Variants in UGT1A10 observed in about 807,000 individuals in gnomAD.
UGT1A10 encodes UDP glucuronosyltransferase family 1 member A10.
Under a neutral mutation model 45.8 loss-of-function variants are expected in UGT1A10, and 49 were observed. That is an observed-to-expected ratio of 1.07 (90% CI 0.85 to 1.36). UGT1A10 has a LOEUF of 1.36. Ranked by LOEUF, UGT1A10 falls within the 40% of genes most tolerant of loss-of-function variation. The pLI is 0.00. For missense variants in UGT1A10, 745 were observed against 668.6 expected (o/e 1.11, Z -1.26); for synonymous variants, 284 against 249.7 (o/e 1.14, Z -1.29).
intron 1 of UGT1A10, among the ~76,000 whole-genome samples, chr2:233,734,879 CAGTT>C (rs1435181219): frequency 6.6e-6 from 1 of 152,150 alleles, no homozygotes; most frequent in Non-Finnish European, 1.5e-5. Flanking sequence ...GTCTGAGAGA[CAGTT>C]TGTTGTGATT....
intron 1 of UGT1A10, among the ~76,000 whole-genome samples, chr2:233,662,696 G>A (rs2074000360): frequency 6.6e-6 from 1 of 152,112 alleles, no homozygotes; most frequent in African/African-American, 2.4e-5. Context: ...CTTGGCATGT[G>A]TCTGATCTGA....
intron 1 of UGT1A10, among the ~76,000 whole-genome samples, chr2:233,663,279 G>A (rs756227773): frequency 2.6e-5 from 4 of 152,194 alleles, no homozygotes; most frequent in Non-Finnish European, 4.4e-5. Flanking sequence ...GTAGACCGGA[G>A]TTTTATTATT....
chr2:233,760,155 C>T (rs2125979369), intron 1 of UGT1A10: 1 of 1,487,916 alleles, frequency 6.7e-7, no homozygotes, highest in Admixed American at 2.1e-5. Flanking sequence ...GAACTCCCTG[C>T]TACCTTTGTG....
Position 233,670,827 on chromosome 2 carries a change from C to T in UGT1A10, c.855+33450C>T, listed in dbSNP as rs560879388. ...AAAAATCAAAAGAACTTTGAAAGAC[C>T]GTCTCTTACTGGCAAGATATTACCT... On this transcript the variant is annotated intron_variant, in intron 1 of 4. Transcript: ENST00000344644. Among the ~76,000 whole-genome samples the T allele has an allele frequency of 9.9e-4, 150 of 152,210 alleles. 1 individual carries two copies. Among genetic ancestry groups the T allele is most frequent in the African/African-American group, 3.3e-3 (136 of 41,518 alleles).
Position 233,682,426 on chromosome 2 carries a change from C to T in UGT1A10, c.855+45049C>T, listed in dbSNP as rs540052265. The T allele has an allele frequency of 7.4e-6, 12 of 1,613,888 alleles. No individual in the cohort carries two copies. The East Asian group carries it at 2.2e-4, about 30-fold the overall frequency. On this transcript the variant is annotated intron_variant, in intron 1 of 4. Transcript: ENST00000344644. ...TAATTGTTGCCAAATATTTCTCCCT[C>T]CCCTCTGTGGTCTTCGCCAGGGGAA...
chr2:233,727,030 G>T (rs2077579042), intron 1 of UGT1A10, among the ~76,000 whole-genome samples: 1 of 152,072 alleles, frequency 6.6e-6, no homozygotes, highest in South Asian at 2.1e-4. Flanking sequence ...TGTACCCTAA[G>T]GAATCTTTAC....
intron 1 of UGT1A10, among the ~76,000 whole-genome samples, chr2:233,686,415 A>G (rs536972328): frequency 1.3e-5 from 2 of 152,306 alleles, no homozygotes; most frequent in South Asian, 2.1e-4. Context: ...AGGTGTGCAG[A>G]TAAACACACG....
At chr2:233,693,870 G>A in intron 1 of UGT1A10, 1 of 1,614,164 alleles carries the variant, frequency 6.2e-7, no homozygotes, top group Non-Finnish European at 8.5e-7. Flanking sequence ...TCTCAGGTTG[G>A]TGGGTTTATT....
At chr2:233,682,337 G>C (rs753738317) in intron 1 of UGT1A10, 1 of 1,614,108 alleles carries the variant, frequency 6.2e-7, no homozygotes, top group African/African-American at 1.3e-5. Flanking sequence ...CCGAAAATTA[G>C]TAGAATACTT....
At chr2:233,732,813 A>G (rs1272687468) in intron 1 of UGT1A10, among the ~76,000 whole-genome samples, 1 of 131,564 alleles carries the variant, frequency 7.6e-6, no homozygotes, top group Non-Finnish European at 1.6e-5. Flanking sequence ...TTTTGATTCC[A>G]TATGAACTTT....
intron 1 of UGT1A10, among the ~76,000 whole-genome samples, chr2:233,699,481 C>T (rs2075508169): frequency 6.6e-6 from 1 of 152,178 alleles, no homozygotes; most frequent in Non-Finnish European, 1.5e-5. Flanking sequence ...AAATCCTAGT[C>T]TCTTCTACTT....
chr2:233,658,255 G>A (rs1295281320), intron 1 of UGT1A10, among the ~76,000 whole-genome samples: 1 of 152,122 alleles, frequency 6.6e-6, no homozygotes, highest in African/African-American at 2.4e-5. Flanking sequence ...CTGACCTCAA[G>A]AGACCCACGG....
intron 1 of UGT1A10, chr2:233,752,472 A>G (rs185071344): frequency 6.6e-5 from 10 of 152,356 alleles, no homozygotes; most frequent in Admixed American, 4.6e-4. Flanking sequence ...GGCCTCTAGC[A>G]GTGTTATGTT....
rs559725558 is a variant in UGT1A10 at position 233,636,816 on chromosome 2, G to T, written c.294G>T (p.Trp98Cys). ...REFMVFAHAQWKAQAQSIFSL... is the reference protein window; with the variant it reads ...REFMVFAHAQCKAQAQSIFSL... ...TCATGGTTTTCGCCCATGCTCAATG[G>T]AAAGCACAGGCACAAAGTATATTTT... The change falls in exon 1 of 5, where the codon TGG (tryptophan) becomes TGT (cysteine). Residue 98 changes from tryptophan (W) to cysteine (C), a missense_variant. By Grantham distance (215) the Trp-to-Cys change is radical. Transcript: ENST00000344644. 2.5e-6 allele frequency: 4 copies of T among 1,614,184 alleles called. No individual in the cohort carries two copies. The East Asian group carries it at 8.9e-5, about 36-fold the overall frequency.
In UGT1A10 at chr2:233,644,597, C is replaced by T. The variant is rs146193252; in HGVS notation, c.855+7220C>T. On this transcript the variant is annotated intron_variant, in intron 1 of 4. Coordinates refer to ENST00000344644, the MANE Select transcript of UGT1A10 (RefSeq NM_019075.4). Reference sequence around the variant, plus strand: ...ATAAATAAATAAATAAATAAATAAACGCTCTCTCAGTGGGTGGGTGTCAGC... The same window carrying T: ...ATAAATAAATAAATAAATAAATAAATGCTCTCTCAGTGGGTGGGTGTCAGC... Among the ~76,000 whole-genome samples the T allele has an allele frequency of 3.5e-3, 511 of 144,444 alleles. 4 individuals carry two copies. Among genetic ancestry groups the T allele is most frequent in the Non-Finnish European group, 5.9e-3 (377 of 63,794 alleles). The allele number at this position is 144,444 out of a possible 152,430, so 94.8% of individuals were successfully genotyped here.
Position 233,767,923 on chromosome 2 carries a change from A to G in UGT1A10, c.1062A>G (p.Gln354=), listed in dbSNP as rs553243445. ...NNTILVKWLP[Q]NDLLGHPMTR... ...CGATACTTGTTAAGTGGCTACCCCA[A>G]AACGATCTGCTTGGTATGTTGGGCG... Residue 354 remains glutamine (Q), a synonymous_variant, in exon 3 of 5, where the codon CAA becomes CAG. Transcript: ENST00000344644. The G allele has an allele frequency of 2.8e-5, 45 of 1,614,102 alleles. No individual in the cohort carries two copies. The highest frequency in any genetic ancestry group is 1.6e-4 in the Middle Eastern group (1 of 6,084).
intron 1 of UGT1A10, 36 bp downstream of exon 1, chr2:233,637,413 C>G (rs1419953474): frequency 1.2e-5 from 19 of 1,566,008 alleles, no homozygotes; most frequent in Admixed American, 1.9e-5. Context: ...TAAGAATAAT[C>G]TGGCTTTGGA....
chr2:233,657,772 T>G (rs7571337), intron 1 of UGT1A10, among the ~76,000 whole-genome samples: 1 of 151,992 alleles, frequency 6.6e-6, no homozygotes, highest in African/African-American at 2.4e-5. Flanking sequence ...AGCATCTTTA[T>G]GTGTGACTGT....
intron 1 of UGT1A10, chr2:233,713,803 C>G: frequency 6.2e-7 from 1 of 1,614,054 alleles, no homozygotes; most frequent in East Asian, 2.2e-5. Context: ...CCGATCATGC[C>G]CAACATGGTC....
Sources: gnomAD v4.1 joint callset for allele counts (sites outside exome capture counted in the v4.1 genomes callset) on GRCh38, gnomAD v4.1.1 for gene constraint, MANE v1.5 for transcripts, NCBI Gene and HGNC (gene_info 2026-07-23, HGNC 2026-07-21) for gene names.